ATXN7L1: variants seen among roughly 807,000 people sequenced by gnomAD.
ATXN7L1 encodes the protein ataxin-7-like protein 1.
Under a neutral mutation model 70.8 loss-of-function variants are expected in ATXN7L1, and 15 were observed. The ratio of observed to expected loss-of-function variants is 0.21; its 90% CI spans 0.14 to 0.33. The LOEUF is 0.33. Among genes scored for constraint, ATXN7L1 ranks in the 10% least tolerant of loss-of-function variants. ATXN7L1 has a pLI of 1.00. For synonymous variants in ATXN7L1, 440 were observed against 445.1 expected, an observed-to-expected ratio of 0.99 and a Z score of 0.14; for missense variants, 975 against 1,097.1, an observed-to-expected ratio of 0.89 and a Z score of 1.57.
chr7:105,865,556 C>T lies in ATXN7L1; in HGVS notation c.250+10256G>A, dbSNP rs542772500. On this transcript the variant is annotated intron_variant, in intron 2 of 11. Coordinates refer to ENST00000419735, the MANE Select transcript of ATXN7L1 (RefSeq NM_020725.2). ...AGCTGGGACTACAGGCACGTGCCAC[C>T]ATACCCAGCTAATTTTTTGTATTTT... 4.6e-5 allele frequency among the ~76,000 whole-genome samples: 7 copies of T among 152,218 alleles called. No individual in the cohort carries two copies. In the East Asian group the frequency reaches 1.2e-3, roughly 25 times the overall value.
intron 4 of ATXN7L1, among the ~76,000 whole-genome samples, chr7:105,647,484 C>A (rs1002296010): frequency 6.6e-6 from 1 of 152,130 alleles, no homozygotes; most frequent in Non-Finnish European, 1.5e-5. Flanking sequence ...CCCGTCTCTA[C>A]TAAAAATACA....
chr7:105,732,916 C>T (rs552076136), intron 3 of ATXN7L1, among the ~76,000 whole-genome samples: 17 of 152,210 alleles, frequency 1.1e-4, no homozygotes, highest in Non-Finnish European at 2.5e-4. Flanking sequence ...CCCTAAAAAA[C>T]TTCCTGACTT....
rs1052100843 is a variant in ATXN7L1 at position 105,715,918 on chromosome 7, G to A, written c.356-50630C>T. Among the ~76,000 whole-genome samples, 6 of 152,168 alleles carry A rather than the reference G, an allele frequency of 3.9e-5. No homozygotes were observed. The East Asian group carries it at 9.6e-4, about 24-fold the overall frequency. ...GAGGAAGCAGTTCTTCACATTTGCTGTGACTGGAGCGTCCTAATTGGCACC... is the reference window on the plus strand; with the variant it reads ...GAGGAAGCAGTTCTTCACATTTGCTATGACTGGAGCGTCCTAATTGGCACC... On this transcript the variant is annotated intron_variant, in intron 3 of 11. Coordinates refer to ENST00000419735, the MANE Select transcript of ATXN7L1 (RefSeq NM_020725.2).
rs192021396 is a variant in ATXN7L1 at position 105,712,004 on chromosome 7, T to C, written c.356-46716A>G. Among the ~76,000 whole-genome samples, 4 of 152,394 alleles carry C rather than the reference T, an allele frequency of 2.6e-5. No individual in the cohort carries two copies. The East Asian group carries it at 7.7e-4, about 29-fold the overall frequency. ...TTCCCAAACTTCAACTCTTGCCTTC[T>C]GTGCAAATGCAGGCCCAACGTCATG... On this transcript the variant is annotated intron_variant, in intron 3 of 11. Coordinates refer to ENST00000419735, the MANE Select transcript of ATXN7L1 (RefSeq NM_020725.2).
At chr7:105,829,590 T>G (rs1811320761) in intron 2 of ATXN7L1, among the ~76,000 whole-genome samples, 1 of 152,170 alleles carries the variant, frequency 6.6e-6, no homozygotes, top group South Asian at 2.1e-4. Context: ...AATTAACAGC[T>G]ACAAAACACC....
intron 3 of ATXN7L1, among the ~76,000 whole-genome samples, chr7:105,771,691 A>C (rs188336886): frequency 6.6e-6 from 1 of 152,238 alleles, no homozygotes; most frequent in African/African-American, 2.4e-5. Flanking sequence ...TATTGTAATT[A>C]CCAGTTGACT....
chr7:105,743,580 A>C (rs905939306), intron 3 of ATXN7L1, among the ~76,000 whole-genome samples: 2 of 86,582 alleles, frequency 2.3e-5, no homozygotes, highest in African/African-American at 7.2e-5. Context: ...GAAAGCAGAT[A>C]TGATCGCTTT....
intron 2 of ATXN7L1, among the ~76,000 whole-genome samples, chr7:105,798,269 G>T (rs1715822975): frequency 6.6e-6 from 1 of 152,180 alleles, no homozygotes; most frequent in African/African-American, 2.4e-5. Context: ...CACTCAACAA[G>T]GCCCCCTTCA....
chr7:105,851,046 C>T (rs751440690), intron 2 of ATXN7L1, among the ~76,000 whole-genome samples: 8 of 152,126 alleles, frequency 5.3e-5, no homozygotes, highest in Admixed American at 3.9e-4. Flanking sequence ...AATTCTGGCT[C>T]GTTTTTTATG....
intron 3 of ATXN7L1, among the ~76,000 whole-genome samples, chr7:105,777,854 A>G (rs556808242): frequency 6.6e-6 from 1 of 152,302 alleles, no homozygotes; most frequent in South Asian, 2.1e-4. Context: ...CATGACTCTG[A>G]CATTCTGGTC....
chr7:105,751,462 G>A (rs140284895), intron 3 of ATXN7L1, among the ~76,000 whole-genome samples: 37 of 151,766 alleles, frequency 2.4e-4, no homozygotes, highest in South Asian at 2.1e-4. Context: ...GGAAACCCCC[G>A]TCTCTACTAA....
chr7:105,694,338 A>G (rs1481133899), intron 3 of ATXN7L1, among the ~76,000 whole-genome samples: 1 of 152,122 alleles, frequency 6.6e-6, no homozygotes, highest in Non-Finnish European at 1.5e-5. Flanking sequence ...GAGCCACTGC[A>G]CCTGGCTGAG....
At chr7:105,645,849 A>AAACAAACAAACG (rs200898076) in intron 4 of ATXN7L1, among the ~76,000 whole-genome samples, 1 of 150,630 alleles carries the variant, frequency 6.6e-6, no homozygotes, top group East Asian at 2.0e-4. Context: ...ACAAACAAAC[A>AAACAAACAAACG]AACAGAAATT....
chr7:105,784,873 CT>C (rs1362960204), intron 3 of ATXN7L1, among the ~76,000 whole-genome samples: 1 of 152,188 alleles, frequency 6.6e-6, no homozygotes, highest in African/African-American at 2.4e-5. Flanking sequence ...AAATAATGTT[CT>C]GTGGAGCCCT....
intron 3 of ATXN7L1, among the ~76,000 whole-genome samples, chr7:105,720,189 T>A (rs1394672916): frequency 6.6e-6 from 1 of 152,224 alleles, no homozygotes; most frequent in Non-Finnish European, 1.5e-5. Flanking sequence ...CTTTCCCTAG[T>A]GCAGGTGGTT....
At chr7:105,637,768 G>T (rs903313396) in intron 7 of ATXN7L1, among the ~76,000 whole-genome samples, 2 of 152,212 alleles carry the variant, frequency 1.3e-5, no homozygotes, top group Non-Finnish European at 2.9e-5. Context: ...TGGCCCAGAA[G>T]AGTAGCTTTC....
intron 2 of ATXN7L1, among the ~76,000 whole-genome samples, chr7:105,860,060 C>T (rs1273185866): frequency 1.4e-5 from 2 of 146,866 alleles, no homozygotes; most frequent in African/African-American, 5.0e-5. Flanking sequence ...GGATTACAGG[C>T]ATGAGTCACG....
chr7:105,624,348 G>T, intron 7 of ATXN7L1, 81 bp from the exon 8 acceptor site: 1 of 1,257,984 alleles, frequency 7.9e-7, no homozygotes, highest in Admixed American at 3.9e-5. Context: ...GTTTAATGGT[G>T]CTCAGAAAAC....
intron 3 of ATXN7L1, among the ~76,000 whole-genome samples, chr7:105,775,364 C>T (rs535450594): frequency 1.3e-5 from 2 of 152,208 alleles, no homozygotes; most frequent in East Asian, 1.9e-4. Context: ...AGAAGCACTG[C>T]GGGTTTAGAA....
Sources: allele counts gnomAD v4.1 joint callset (sites outside exome capture counted in the v4.1 genomes callset), GRCh38; gene constraint gnomAD v4.1.1; transcripts MANE v1.5; gene names NCBI Gene and HGNC (gene_info 2026-07-23, HGNC 2026-07-21).